CABIN1: variants seen among roughly 807,000 people sequenced by gnomAD.
The protein encoded by CABIN1 is calcineurin binding protein 1.
Under a neutral mutation model 227.7 loss-of-function variants are expected in CABIN1, and 133 were observed. The ratio of observed to expected loss-of-function variants is 0.58; its 90% CI spans 0.51 to 0.67. CABIN1 has a LOEUF of 0.67. Ranked by LOEUF, CABIN1 falls within the 30% of genes least tolerant of loss-of-function variation. CABIN1 has a pLI of 0.00. For synonymous variants in CABIN1, 1,086 were observed against 1,155.1 expected, an observed-to-expected ratio of 0.94 and a Z score of 1.21; for missense variants, 2,408 against 2,852.5, an observed-to-expected ratio of 0.84 and a Z score of 3.55.
intron 25 of CABIN1, 121 bp downstream of exon 25, chr22:24,096,203 G>A: frequency 8.8e-7 from 1 of 1,138,500 alleles, no homozygotes; most frequent in East Asian, 2.4e-5. Context: ...TAGAACTCAT[G>A]GAGTCCCTAG....
Position 24,042,878 on chromosome 22 carries a change from T to TG in CABIN1, c.346-26_346-25insG, listed in dbSNP as rs1569112630. On this transcript the variant is annotated intron_variant, in intron 5 of 36. Transcript: ENST00000263119. ...TGTGTGTGTGTGTGTGTGTGTGTGT[T>TG]TGCCCTCTGCTTGTGTCGCTTCCAG... 1.4e-4 allele frequency: 137 copies of TG among 952,184 alleles called. No individual in the cohort carries two copies. The African/African-American group carries it at 2.4e-3, about 16-fold the overall frequency. 59.0% of individuals were successfully genotyped at this position (952,184 alleles called of 1,614,324 possible).
chr22:24,113,657 C>T lies in CABIN1; in HGVS notation c.4209C>T (p.Ser1403=). Residue 1403 remains serine, a synonymous_variant, in exon 27 of 37, where the codon TCC becomes TCT. Transcript: ENST00000263119. The part of the protein sequence containing the change: ...FNEPTSLLEG[S]RKSYTEKRLP... ...AGCCCACCAGCTTACTGGAAGGCTC[C>T]AGGAAATCCTACACAGAGAAGAGGC... is the stretch of plus-strand genomic sequence containing the variant. 1 of 1,614,102 alleles carries T rather than the reference C, an allele frequency of 6.2e-7. No homozygotes were observed. Among genetic ancestry groups the T allele is most frequent in the Non-Finnish European group, 8.5e-7 (1 of 1,180,004 alleles).
At chr22:24,100,058 T>C (rs2042113866) in intron 26 of CABIN1, among the ~76,000 whole-genome samples, 1 of 152,240 alleles carries the variant, frequency 6.6e-6, no homozygotes, top group South Asian at 2.1e-4. Context: ...GCCAACATGC[T>C]AGTTATTTGT....
intron 21 of CABIN1, 51 bp downstream of exon 21, chr22:24,084,836 C>A: frequency 6.3e-7 from 1 of 1,587,462 alleles, no homozygotes; most frequent in Non-Finnish European, 8.6e-7. Flanking sequence ...TCACACTCTT[C>A]CGCTCTGCCA....
intron 33 of CABIN1, among the ~76,000 whole-genome samples, chr22:24,170,454 A>G (rs1196725483): frequency 3.9e-5 from 6 of 152,074 alleles, no homozygotes. Flanking sequence ...GGGACACTGC[A>G]CTCACCTTCC....
intron 20 of CABIN1, among the ~76,000 whole-genome samples, chr22:24,084,167 A>G (rs551476521): frequency 2.0e-5 from 3 of 152,112 alleles, no homozygotes; most frequent in Non-Finnish European, 4.4e-5. Flanking sequence ...TGTGGTTTCT[A>G]ATGTCTGTCT....
rs371975652 is a variant in CABIN1 at position 24,057,279 on chromosome 22, G to A, written c.1262+919G>A. 2.4e-4 allele frequency among the ~76,000 whole-genome samples: 37 copies of A among 152,264 alleles called. 1 individual carries two copies. The highest frequency in any genetic ancestry group is 1.4e-3 in the East Asian group (7 of 5,184). On this transcript the variant is annotated intron_variant, in intron 10 of 36. Transcript: ENST00000263119. ...CCTTGCCTGCTCACCTCCTTCAGAG[G>A]CTTTAGGATCCTCAATTTCTGAGCC... is the stretch of plus-strand genomic sequence containing the variant.
chr22:24,028,071 T>C (rs552924414), intron 1 of CABIN1, among the ~76,000 whole-genome samples: 1 of 152,222 alleles, frequency 6.6e-6, no homozygotes, highest in African/African-American at 2.4e-5. Context: ...CCAGTACATA[T>C]AAAAGTTAAT....
intron 19 of CABIN1, 48 bp from the exon 20 acceptor site, chr22:24,083,180 C>T (rs2147043861): frequency 6.3e-7 from 1 of 1,596,440 alleles, no homozygotes; most frequent in Non-Finnish European, 8.6e-7. Flanking sequence ...GACAGGGAGG[C>T]AGTGGCTACA....
chr22:24,154,335 T>C (rs2267068), intron 29 of CABIN1, among the ~76,000 whole-genome samples: 43,760 of 152,108 alleles, frequency 0.29, 7,894 homozygotes, highest in African/African-American at 0.51. Context: ...GCTCTGGAGC[T>C]AGTCGGGCCT....
At chr22:24,098,541 C>T (rs2042029438) in intron 26 of CABIN1, among the ~76,000 whole-genome samples, 2 of 152,130 alleles carry the variant, frequency 1.3e-5, no homozygotes, top group East Asian at 3.9e-4. Flanking sequence ...CCTGGAGGGG[C>T]TCCTGGTGCA....
In CABIN1 at chr22:24,038,463, T is replaced by C. The variant is rs759042481; in HGVS notation, c.210+2T>C. On this transcript the variant is annotated splice_donor_variant, in intron 4 of 36. Transcript: ENST00000263119. LOFTEE classifies it high-confidence loss of function. ...TTGGAGGCGAGCCTGCTGCGGGAGG[T>C]GAGGCATCAGCAGGCCAGGCAGTGT... 6.2e-7 allele frequency: 1 copy of C among 1,607,994 alleles called. No homozygotes were observed. The highest frequency in any genetic ancestry group is 1.8e-4 in the Middle Eastern group (1 of 5,434).
chr22:24,175,427 G>T (rs1023883696), intron 34 of CABIN1, among the ~76,000 whole-genome samples: 1 of 152,230 alleles, frequency 6.6e-6, no homozygotes, highest in Non-Finnish European at 1.5e-5. Flanking sequence ...TGGGGTGGCT[G>T]GAAAGGCAGT....
At chr22:24,162,048 C>G (rs920239653) in intron 29 of CABIN1, 1 of 152,270 alleles carries the variant, frequency 6.6e-6, no homozygotes, top group African/African-American at 2.4e-5. Context: ...TCTCATGGGT[C>G]TCTTGCTGCA....
chr22:24,158,650 C>T (rs528650960), intron 29 of CABIN1, among the ~76,000 whole-genome samples: 4 of 152,140 alleles, frequency 2.6e-5, no homozygotes, highest in East Asian at 3.9e-4. Flanking sequence ...TCTGCTTGGC[C>T]GACGCTTCTT....
intron 29 of CABIN1, among the ~76,000 whole-genome samples, chr22:24,136,725 T>TCA (rs765709835): frequency 4.2e-5 from 6 of 143,412 alleles, no homozygotes; most frequent in Non-Finnish European, 4.5e-5. Context: ...AAACAATACA[T>TCA]CACACACACA....
chr22:24,041,852 G>A (rs2037400934), intron 5 of CABIN1, among the ~76,000 whole-genome samples: 1 of 152,206 alleles, frequency 6.6e-6, no homozygotes, highest in South Asian at 2.1e-4. Context: ...TGAGGAAATG[G>A]AGGCTCAGGA....
At chr22:24,090,517 ATTT>A (rs11356877) in intron 23 of CABIN1, among the ~76,000 whole-genome samples, 1 of 122,372 alleles carries the variant, frequency 8.2e-6, no homozygotes, top group African/African-American at 3.1e-5. Context: ...CTGTGTGGTC[ATTT>A]TTTTTTTTTT....
chr22:24,022,494 TTATC>T (rs781532450), intron 1 of CABIN1, among the ~76,000 whole-genome samples: 1 of 152,240 alleles, frequency 6.6e-6, no homozygotes, highest in Non-Finnish European at 1.5e-5. Context: ...ATATCACAGT[TTATC>T]TACTCACCTA....
Sources: gnomAD v4.1 joint callset for allele counts (sites outside exome capture counted in the v4.1 genomes callset) on GRCh38, gnomAD v4.1.1 for gene constraint, MANE v1.5 for transcripts, NCBI Gene and HGNC (gene_info 2026-07-23, HGNC 2026-07-21) for gene names.